The following FOXD2 variants were observed in gnomAD, a reference collection of about 807,000 sequenced individuals.
The protein encoded by FOXD2 is forkhead box protein D2.
Under a neutral mutation model 6.4 loss-of-function variants are expected in FOXD2, and 4 were observed. The ratio of observed to expected loss-of-function variants is 0.62; its 90% CI spans 0.31 to 1.42. The LOEUF is 1.42. FOXD2 is among the 40% of genes most tolerant of loss of function. The pLI is 0.08. For synonymous variants in FOXD2, 393 were observed against 373.6 expected (o/e 1.05, Z -0.60); for missense variants, 709 against 766.8 (o/e 0.92, Z 0.89).
chr1:47,439,574 G>T lies in FOXD2; in HGVS notation c.1439G>T (p.Gly480Val). 6.4e-7 allele frequency: 1 copy of T among 1,558,006 alleles called. No individual in the cohort carries two copies. Reference sequence around the variant, plus strand: ...CCCGGGGACGCGCTGCTGTCCTCAGGGTCCCGGTTTGCCAGCAAAGTCGCC... The same window carrying T: ...CCCGGGGACGCGCTGCTGTCCTCAGTGTCCCGGTTTGCCAGCAAAGTCGCC... ...SHPGDALLSS[G>V]SRFASKVAGL... The change falls in exon 1 of 1, where the codon GGG (glycine) becomes GTG (valine). Residue 480 changes from glycine to valine, a missense_variant. By Grantham distance (109) the Gly-to-Val change is moderately radical (BLOSUM62 -3). Coordinates refer to ENST00000334793, the MANE Select transcript of FOXD2 (RefSeq NM_004474.4).
Position 47,438,984 on chromosome 1 carries a change from G to T in FOXD2, c.849G>T (p.Gly283=), listed in dbSNP as rs1372262142. The T allele has an allele frequency of 7.2e-7, 1 of 1,381,288 alleles. No individual in the cohort carries two copies. The highest frequency in any genetic ancestry group is 9.3e-7 in the Non-Finnish European group (1 of 1,078,364). The allele number at this position is 1,381,288 out of a possible 1,614,324, so 85.6% of individuals were successfully genotyped here. ...CGGCCTACGGCGCACCCCCGCCGGG[G>T]CCGGCCCCGCATCCGCACCCGCACC... ...ALPAYGAPPP[G]PAPHPHPHPH... The change falls in exon 1 of 1, where the codon GGG becomes GGT. Residue 283 remains glycine (G), a synonymous_variant. Coordinates refer to ENST00000334793, the MANE Select transcript of FOXD2 (RefSeq NM_004474.4).
Position 47,438,726 on chromosome 1 carries a change from G to A in FOXD2, c.591G>A (p.Lys197=), listed in dbSNP as rs764444504. 3 of 1,613,876 alleles carry A rather than the reference G, an allele frequency of 1.9e-6. No homozygotes were observed. The highest frequency in any genetic ancestry group is 1.7e-5 in the Admixed American group (1 of 59,998). The change falls in exon 1 of 1, where the codon AAG becomes AAA. Residue 197 remains lysine, a synonymous_variant. Coordinates refer to ENST00000334793, the MANE Select transcript of FOXD2 (RefSeq NM_004474.4). ...CCCGCGAGCCGGGCAACCCGGGCAA[G>A]GGCAACTACTGGACGCTGGACCCGG... ...KIPREPGNPG[K]GNYWTLDPES...
chr1:47,438,497 C>T lies in FOXD2; in HGVS notation c.362C>T (p.Thr121Met), dbSNP rs540678652. 6.3e-7 allele frequency: 1 copy of T among 1,583,582 alleles called. No individual in the cohort carries two copies. Among genetic ancestry groups the T allele is most frequent in the Non-Finnish European group, 8.6e-7 (1 of 1,166,502 alleles). ...GPGPPSGGAA[T>M]RSPLVKPPYS... ...GGACCGCCGTCGGGGGGCGCGGCGA[C>T]GCGGAGCCCGCTGGTGAAGCCGCCC... is the stretch of plus-strand genomic sequence containing the variant. The change falls in exon 1 of 1, where the codon ACG (threonine) becomes ATG (methionine). Residue 121 changes from threonine to methionine, a missense_variant. By Grantham distance (81) the Thr-to-Met change is moderately conservative. Coordinates refer to ENST00000334793, the MANE Select transcript of FOXD2 (RefSeq NM_004474.4).
rs1646996493 is a variant in FOXD2, at chr1:47,439,511, C to T, written c.1376C>T (p.Ala459Val). The change falls in exon 1 of 1, where the codon GCC (alanine) becomes GTC (valine). Residue 459 changes from alanine to valine, a missense_variant. By Grantham distance (64) the Ala-to-Val change is moderately conservative. Coordinates refer to ENST00000334793, the MANE Select transcript of FOXD2 (RefSeq NM_004474.4). ...AQVLAMLTAPALAPVAGHIRL... is the reference protein window; with the variant it reads ...AQVLAMLTAPVLAPVAGHIRL... ...GTCTTGGCCATGCTGACTGCTCCGG[C>T]CCTGGCTCCCGTTGCTGGCCACATT... 4 of 1,551,350 alleles carry T rather than the reference C, an allele frequency of 2.6e-6. No homozygotes were observed. The highest frequency in any genetic ancestry group is 1.2e-5 in the South Asian group (1 of 84,148).
At position 47,439,177 on chromosome 1, in the gene FOXD2, G is replaced by C; in HGVS notation, c.1042G>C (p.Gly348Arg). The C allele has an allele frequency of 7.0e-7, 1 of 1,434,764 alleles. No individual in the cohort carries two copies. 88.9% of individuals were successfully genotyped at this position (1,434,764 alleles called of 1,614,324 possible). A position where few individuals can be genotyped will look rare whatever the true frequency, so the allele number is the denominator to read the frequency against. ...APASGSGPGP[G>R]PAGLPAFLGA... ...TGCCTCAGGCTCGGGCCCGGGCCCG[G>C]GCCCCGCAGGCCTGCCCGCCTTCCT... Residue 348 changes from glycine (G) to arginine (R), a missense_variant, in exon 1 of 1, where the codon GGC (glycine) becomes CGC (arginine). Physicochemically the swap from Gly to Arg is moderately radical, Grantham distance 125 (BLOSUM62 -2). Coordinates refer to ENST00000334793, the MANE Select transcript of FOXD2 (RefSeq NM_004474.4).
rs758049458 is a variant in FOXD2 at position 47,438,990 on chromosome 1, C to CCCGCAT, written c.861_866dup (p.Pro292_His293dup). On this transcript the variant is annotated inframe_insertion, in exon 1 of 1. Transcript: ENST00000334793. ...ACGGCGCACCCCCGCCGGGGCCGGC[C>CCCGCAT]CCGCATCCGCACCCGCACCCGCACG... 39 of 865,644 alleles carry CCCGCAT rather than the reference C, an allele frequency of 4.5e-5. No homozygotes were observed. The highest frequency in any genetic ancestry group is 7.2e-5 in the African/African-American group (2 of 27,934). The allele number at this position is 865,644 out of a possible 1,614,324, so 53.6% of individuals were successfully genotyped here.
rs1190162527 is a variant in FOXD2 at position 47,439,167 on chromosome 1, C to T, written c.1032C>T (p.Gly344=). 2.8e-6 allele frequency: 4 copies of T among 1,436,436 alleles called. No individual in the cohort carries two copies. The highest frequency in any genetic ancestry group is 3.6e-6 in the Non-Finnish European group (4 of 1,104,530). 89.0% of individuals were successfully genotyped at this position (1,436,436 alleles called of 1,614,324 possible). Residue 344 remains glycine (G), a synonymous_variant, in exon 1 of 1, where the codon GGC becomes GGT. Transcript: ENST00000334793. ...CTCCTGCGCCTGCCTCAGGCTCGGG[C>T]CCGGGCCCGGGCCCCGCAGGCCTGC... ...APAPAPASGS[G]PGPGPAGLPA... is the part of the protein sequence containing the mutation.
rs2124081336 is a variant in FOXD2 at position 47,438,196 on chromosome 1, T to C, written c.61T>C (p.Ser21Pro). The C allele has an allele frequency of 6.8e-7, 1 of 1,462,094 alleles. No individual in the cohort carries two copies. The highest frequency in any genetic ancestry group is 9.0e-7 in the Non-Finnish European group (1 of 1,112,268). 90.6% of individuals were successfully genotyped at this position (1,462,094 alleles called of 1,614,324 possible). Residue 21 changes from serine (S) to proline (P), a missense_variant, in exon 1 of 1, where the codon TCC (serine) becomes CCC (proline). Around this residue, in one of 5 missense-constraint regions of FOXD2, gnomAD observed 220 missense variants for 199.2 expected, o/e 1.10. Transcript: ENST00000334793. ...MSSESSPAAL[S>P]EADADIDVVG... is the part of the protein sequence containing the mutation. ...CTCCGAGAGCTCCCCGGCCGCGCTG[T>C]CCGAGGCCGACGCAGACATAGACGT...
chr1:47,438,488 G>A lies in FOXD2; in HGVS notation c.353G>A (p.Gly118Asp), dbSNP rs1646987757. The change falls in exon 1 of 1, where the codon GGC becomes GAC. Residue 118 changes from glycine (G) to aspartate (D), a missense_variant. Physicochemically the swap from Gly to Asp is moderately conservative, Grantham distance 94. Coordinates refer to ENST00000334793, the MANE Select transcript of FOXD2 (RefSeq NM_004474.4). ...CCCGGGCCGGGACCGCCGTCGGGGG[G>A]CGCGGCGACGCGGAGCCCGCTGGTG... ...AGPGPGPPSGGAATRSPLVKP... is the reference protein window; with the variant it reads ...AGPGPGPPSGDAATRSPLVKP... 2 of 1,573,752 alleles carry A rather than the reference G, an allele frequency of 1.3e-6. No individual in the cohort carries two copies. The highest frequency in any genetic ancestry group is 1.7e-6 in the Non-Finnish European group (2 of 1,161,650).
rs3046924 is a variant in FOXD2 at position 47,438,996 on chromosome 1, TCCGCAC to T, written c.874_879del (p.Pro292_His293del). ...CACCCCCGCCGGGGCCGGCCCCGCATCCGCACCCGCACCCGCACGCCTTCGCTTTCG... is the reference window on the plus strand; with the variant it reads ...CACCCCCGCCGGGGCCGGCCCCGCATCCGCACCCGCACGCCTTCGCTTTCG... On this transcript the variant is annotated inframe_deletion, in exon 1 of 1. Coordinates refer to ENST00000334793, the MANE Select transcript of FOXD2 (RefSeq NM_004474.4). The T allele has an allele frequency of 2.4e-5, 34 of 1,399,160 alleles. No homozygotes were observed. The African/African-American group carries it at 2.4e-4, about 10-fold the overall frequency. The allele number at this position is 1,399,160 out of a possible 1,614,324, so 86.7% of individuals were successfully genotyped here. A position where few individuals can be genotyped will look rare whatever the true frequency, so the allele number is the denominator to read the frequency against.
In FOXD2 at chr1:47,438,121, GGCGGCA is replaced by G; in HGVS notation, c.-8_-3del. 7.1e-7 allele frequency: 1 copy of G among 1,400,892 alleles called. No individual in the cohort carries two copies. The highest frequency in any genetic ancestry group is 9.2e-7 in the Non-Finnish European group (1 of 1,081,436). 86.8% of individuals were successfully genotyped at this position (1,400,892 alleles called of 1,614,324 possible). ...AGCGGAGCCGGAGAGTGGCGGCGGC[GGCGGCA>G]GCGGCACCATGACCCTGGGCAGCTG... On this transcript the variant is annotated 5_prime_UTR_variant, in exon 1 of 1. Transcript: ENST00000334793.
rs769571860 is a variant in FOXD2, at chr1:47,438,985, C to T, written c.850C>T (p.Pro284Ser). ...LPAYGAPPPG[P>S]APHPHPHPHA... Reference sequence around the variant, plus strand: ...GGCCTACGGCGCACCCCCGCCGGGGCCGGCCCCGCATCCGCACCCGCACCC... The same window carrying T: ...GGCCTACGGCGCACCCCCGCCGGGGTCGGCCCCGCATCCGCACCCGCACCC... Residue 284 changes from proline to serine, a missense_variant, in exon 1 of 1, where the codon CCG becomes TCG. Physicochemically the swap from Pro to Ser is moderately conservative, Grantham distance 74. This residue lies in a region of FOXD2 where 98 missense variants were observed against 91.0 expected (regional missense o/e 1.08). Transcript: ENST00000334793. 5 of 1,379,098 alleles carry T rather than the reference C, an allele frequency of 3.6e-6. No homozygotes were observed. The South Asian group carries it at 7.1e-5, about 20-fold the overall frequency. The allele number at this position is 1,379,098 out of a possible 1,614,324, so 85.4% of individuals were successfully genotyped here.
Position 47,438,306 on chromosome 1 carries a change from G to T in FOXD2, c.171G>T (p.Glu57Asp). The change falls in exon 1 of 1, where the codon GAG becomes GAT. Residue 57 changes from glutamate (E) to aspartate (D), a missense_variant. By Grantham distance (45) the Glu-to-Asp change is conservative. Transcript: ENST00000334793. ...GGGACGTGCTCCCCCACGGCCACGAGCCTCCCGCGGAGGAAGCCGAGGCAG... is the reference window on the plus strand; with the variant it reads ...GGGACGTGCTCCCCCACGGCCACGATCCTCCCGCGGAGGAAGCCGAGGCAG... ...APRDVLPHGHEPPAEEAEADL... is the reference protein window; with the variant it reads ...APRDVLPHGHDPPAEEAEADL... The T allele has an allele frequency of 7.7e-7, 1 of 1,306,918 alleles. No homozygotes were observed. The highest frequency in any genetic ancestry group is 9.7e-7 in the Non-Finnish European group (1 of 1,027,676). The allele number at this position is 1,306,918 out of a possible 1,614,324, so 81.0% of individuals were successfully genotyped here.
rs1186690168 is a variant in FOXD2 at position 47,439,422 on chromosome 1, C to A, written c.1287C>A (p.Gly429=). The A allele has an allele frequency of 6.5e-7, 1 of 1,538,848 alleles. No homozygotes were observed. Among genetic ancestry groups the A allele is most frequent in the South Asian group, 1.2e-5 (1 of 84,150 alleles). ...GTGGCGGCGGGGCAGCACCCCCGGGCGCCGGCGAGGGCTCTCCGGGACCGC... is the reference window on the plus strand; with the variant it reads ...GTGGCGGCGGGGCAGCACCCCCGGGAGCCGGCGAGGGCTCTCCGGGACCGC... ...GHGGGGAAPP[G]AGEGSPGPPF... The change falls in exon 1 of 1, where the codon GGC becomes GGA. Residue 429 remains glycine (G), a synonymous_variant. Coordinates refer to ENST00000334793, the MANE Select transcript of FOXD2 (RefSeq NM_004474.4).
chr1:47,439,201 C>A lies in FOXD2; in HGVS notation c.1066C>A (p.Leu356Met). 6.9e-7 allele frequency: 1 copy of A among 1,446,132 alleles called. No homozygotes were observed. Among genetic ancestry groups the A allele is most frequent in the Non-Finnish European group, 9.0e-7 (1 of 1,111,776 alleles). 89.6% of individuals were successfully genotyped at this position (1,446,132 alleles called of 1,614,324 possible). The change falls in exon 1 of 1, where the codon CTG (leucine) becomes ATG (methionine). Residue 356 changes from leucine (L) to methionine (M), a missense_variant. Leu to Met is a conservative substitution (Grantham distance 15). Transcript: ENST00000334793. ...GPGPAGLPAF[L>M]GAELGCAKAF... ...GGGCCCCGCAGGCCTGCCCGCCTTC[C>A]TGGGCGCGGAGCTGGGCTGCGCCAA...
In FOXD2 at chr1:47,439,672, GGGAGTTCCTGC is replaced by G; in HGVS notation, c.*52_*62del. ...AGGTCCGCACTCCTCAGCCTCTCCC[GGGAGTTCCTGC>G]GGTCCCAGCGGAACTCAGGGAGTCT... is the stretch of plus-strand genomic sequence containing the variant. On this transcript the variant is annotated 3_prime_UTR_variant, in exon 1 of 1. Transcript: ENST00000334793. The G allele has an allele frequency of 6.7e-7, 1 of 1,492,538 alleles. No individual in the cohort carries two copies. Among genetic ancestry groups the G allele is most frequent in the Non-Finnish European group, 9.0e-7 (1 of 1,108,510 alleles). The allele number at this position is 1,492,538 out of a possible 1,614,324, so 92.5% of individuals were successfully genotyped here.
At position 47,440,436 on chromosome 1, in the gene FOXD2, T is replaced by C. The variant is rs1647001094; in HGVS notation, c.*813T>C. 1 of 167,110 alleles carries C rather than the reference T, an allele frequency of 6.0e-6. No individual in the cohort carries two copies. Among genetic ancestry groups the C allele is most frequent in the African/African-American group, 2.4e-5 (1 of 41,436 alleles). 10.4% of individuals were successfully genotyped at this position (167,110 alleles called of 1,614,324 possible). ...TGAGATTGGGTGGAAGAGAAGGGTCTGGGCCAGGGACTGGAGAGGTGGGGG... is the reference window on the plus strand; with the variant it reads ...TGAGATTGGGTGGAAGAGAAGGGTCCGGGCCAGGGACTGGAGAGGTGGGGG... On this transcript the variant is annotated 3_prime_UTR_variant, in exon 1 of 1. Coordinates refer to ENST00000334793, the MANE Select transcript of FOXD2 (RefSeq NM_004474.4).
In FOXD2 at chr1:47,439,482, C is replaced by G. The variant is rs1646996292; in HGVS notation, c.1347C>G (p.Ala449=). ...FAAAAGPGGQ[A]QVLAMLTAPA... ...CAGCCGCGGGTCCTGGGGGCCAAGC[C>G]CAGGTCTTGGCCATGCTGACTGCTC... Residue 449 remains alanine, a synonymous_variant, in exon 1 of 1, where the codon GCC becomes GCG. Coordinates refer to ENST00000334793, the MANE Select transcript of FOXD2 (RefSeq NM_004474.4). 1.3e-6 allele frequency: 2 copies of G among 1,548,664 alleles called. No individual in the cohort carries two copies. Among genetic ancestry groups the G allele is most frequent in the Non-Finnish European group, 1.7e-6 (2 of 1,148,914 alleles).
At position 47,439,537 on chromosome 1, in the gene FOXD2, C is replaced by T. The variant is rs1570418412; in HGVS notation, c.1402C>T (p.Arg468Cys). 6.4e-7 allele frequency: 1 copy of T among 1,553,244 alleles called. No homozygotes were observed. Among genetic ancestry groups the T allele is most frequent in the Non-Finnish European group, 8.7e-7 (1 of 1,149,362 alleles). ...CCTGGCTCCCGTTGCTGGCCACATTCGCCTCTCGCATCCCGGGGACGCGCT... is the reference window on the plus strand; with the variant it reads ...CCTGGCTCCCGTTGCTGGCCACATTTGCCTCTCGCATCCCGGGGACGCGCT... ...PALAPVAGHI[R>C]LSHPGDALLS... The change falls in exon 1 of 1, where the codon CGC (arginine) becomes TGC (cysteine). Residue 468 changes from arginine (R) to cysteine (C), a missense_variant. By Grantham distance (180) the Arg-to-Cys change is radical. This residue lies in a region of FOXD2 where 322 missense variants were observed against 313.8 expected (regional missense o/e 1.03). Transcript: ENST00000334793.
Sources: allele counts gnomAD v4.1 joint callset, GRCh38; gene constraint gnomAD v4.1.1; regional missense constraint gnomAD v4.1.1; transcripts MANE v1.5; gene names NCBI Gene and HGNC (gene_info 2026-07-23, HGNC 2026-07-21).